The following RAD51B variants were observed in gnomAD, a reference collection of about 807,000 sequenced individuals.
The protein encoded by RAD51B is DNA repair protein RAD51 homolog 2.
RAD51B carries 38 observed loss-of-function variants against 42.2 expected under a neutral mutation model. That is an observed-to-expected ratio of 0.90 (90% confidence interval 0.70 to 1.18). The LOEUF (loss-of-function observed/expected upper bound fraction) is 1.18, where lower values mean the gene tolerates loss of function less well. Ranked by LOEUF, RAD51B falls within the 50% of genes most tolerant of loss-of-function variation. RAD51B has a pLI of 0.00. For missense variants in RAD51B, 373 were observed against 400.7 expected (o/e 0.93, Z 0.59); for synonymous variants, 154 against 145.2 (o/e 1.06, Z -0.43).
At chr14:68,311,987 A>C (rs752031452) in intron 8 of RAD51B, among the ~76,000 whole-genome samples, 1 of 152,222 alleles carries the variant, frequency 6.6e-6, no homozygotes, top group Non-Finnish European at 1.5e-5. Context: ...CAGCATTGTT[A>C]TTTCAATTCA....
chr14:68,091,646 G>A (rs1222406340), intron 7 of RAD51B, among the ~76,000 whole-genome samples: 8 of 152,142 alleles, frequency 5.3e-5, no homozygotes, highest in African/African-American at 1.7e-4. Flanking sequence ...CATTCTGTGG[G>A]TTGCCTGTTC....
At chr14:68,414,069 A>AT (rs2084487971) in intron 9 of RAD51B, among the ~76,000 whole-genome samples, 1 of 152,128 alleles carries the variant, frequency 6.6e-6, no homozygotes, top group Non-Finnish European at 1.5e-5. Context: ...TTAGTTTCAG[A>AT]TCACAGGCCT....
intron 10 of RAD51B, among the ~76,000 whole-genome samples, chr14:68,538,603 A>G (rs777424178): frequency 1.3e-5 from 2 of 151,262 alleles, no homozygotes; most frequent in Non-Finnish European, 2.9e-5. Context: ...CAGAACGCCA[A>G]CATAGTTTGT....
At chr14:68,631,129 T>C (rs1004337355) in intron 10 of RAD51B, among the ~76,000 whole-genome samples, 3 of 152,084 alleles carry the variant, frequency 2.0e-5, no homozygotes, top group African/African-American at 2.4e-5. Flanking sequence ...ATGTGTCCAA[T>C]TGTTAAAAAA....
intron 7 of RAD51B, among the ~76,000 whole-genome samples, chr14:68,095,713 T>C (rs11851597): frequency 0.12 from 17,726 of 151,924 alleles, 3,183 homozygotes; most frequent in African/African-American, 0.38. Context: ...CGGTGGCTCA[T>C]GCCTGTAATC....
chr14:68,296,583 AC>A (rs2081618233), intron 8 of RAD51B, among the ~76,000 whole-genome samples: 1 of 152,218 alleles, frequency 6.6e-6, no homozygotes, highest in Admixed American at 6.5e-5. Context: ...TTCCAAAGTC[AC>A]CTGGGATTTG....
At chr14:68,660,971 G>A (rs191008147) in intron 11 of RAD51B, among the ~76,000 whole-genome samples, 73 of 152,274 alleles carry the variant, frequency 4.8e-4, no homozygotes, top group Admixed American at 2.5e-3. Flanking sequence ...ACCAAATCGC[G>A]TATAGTGTCT....
At chr14:67,860,494 T>C (rs2042129559) in intron 4 of RAD51B, among the ~76,000 whole-genome samples, 1 of 152,196 alleles carries the variant, frequency 6.6e-6, no homozygotes, top group Non-Finnish European at 1.5e-5. Context: ...TATGAAATGG[T>C]AGACTTATAA....
intron 10 of RAD51B, among the ~76,000 whole-genome samples, chr14:68,517,880 C>T (rs1262895549): frequency 1.3e-5 from 2 of 152,134 alleles, no homozygotes; most frequent in Non-Finnish European, 2.9e-5. Flanking sequence ...ATTTCTGAAA[C>T]TATCAGTGTT....
chr14:68,321,754 T>C lies in RAD51B; in HGVS notation c.853+29774T>C, dbSNP rs1217004312. On this transcript the variant is annotated intron_variant, in intron 8 of 10. Transcript: ENST00000471583. ...TAATTTTTAAATTTTTTAAAATTAA[T>C]GTGTTTATTTTTTTGAGACAGGGTC... is the stretch of plus-strand genomic sequence containing the variant. Among the ~76,000 whole-genome samples, 4 of 152,310 alleles carry C rather than the reference T, an allele frequency of 2.6e-5. No individual in the cohort carries two copies. In the East Asian group the frequency reaches 7.7e-4, roughly 29 times the overall value.
chr14:68,529,528 A>G (rs553712037), intron 10 of RAD51B, among the ~76,000 whole-genome samples: 2 of 152,370 alleles, frequency 1.3e-5, no homozygotes, highest in South Asian at 2.1e-4. Context: ...CTGTAGGTCT[A>G]TGGAGGCAGG....
intron 8 of RAD51B, among the ~76,000 whole-genome samples, chr14:68,400,190 C>A (rs935954060): frequency 6.6e-6 from 1 of 152,150 alleles, no homozygotes; most frequent in African/African-American, 2.4e-5. Flanking sequence ...TGGTGTGTCC[C>A]CTTGCTGTTC....
intron 7 of RAD51B, among the ~76,000 whole-genome samples, chr14:68,053,166 A>G (rs766975666): frequency 2.0e-5 from 3 of 152,196 alleles, no homozygotes; most frequent in Non-Finnish European, 4.4e-5. Flanking sequence ...TAGTTCTCCA[A>G]TAGAACAGTT....
chr14:67,829,992 C>T (rs891412432), intron 3 of RAD51B, among the ~76,000 whole-genome samples: 46 of 152,110 alleles, frequency 3.0e-4, no homozygotes, highest in African/African-American at 1.1e-3. Flanking sequence ...GAGAGATAGG[C>T]AAAGGAGCTG....
At chr14:68,485,827 A>G (rs1883581415) in intron 10 of RAD51B, among the ~76,000 whole-genome samples, 1 of 152,198 alleles carries the variant, frequency 6.6e-6, no homozygotes, top group Non-Finnish European at 1.5e-5. Context: ...TTAGTGCCCA[A>G]AGCTCTTTAT....
chr14:68,430,792 A>G (rs1410714287), intron 9 of RAD51B, among the ~76,000 whole-genome samples: 2 of 152,030 alleles, frequency 1.3e-5, no homozygotes, highest in Non-Finnish European at 2.9e-5. Context: ...ACTATGTTGA[A>G]TAGGAGTGGT....
intron 8 of RAD51B, among the ~76,000 whole-genome samples, chr14:68,398,457 T>G (rs2083990651): frequency 6.6e-6 from 1 of 152,098 alleles, no homozygotes; most frequent in South Asian, 2.1e-4. Flanking sequence ...CTTGAAGCAA[T>G]GCAGGTCAAG....
chr14:68,601,214 A>G (rs1454587566), intron 10 of RAD51B, among the ~76,000 whole-genome samples: 2 of 151,994 alleles, frequency 1.3e-5, no homozygotes, highest in Non-Finnish European at 2.9e-5. Context: ...TCTCATAGCC[A>G]CGTCTCACCA....
chr14:68,469,829 G>A lies in RAD51B; in HGVS notation c.1036+1579G>A, dbSNP rs553706808. On this transcript the variant is annotated intron_variant, in intron 10 of 10. Transcript: ENST00000471583. ...AAAAAGTTTGTTCTGCTCAGATGAC[G>A]TGTGTGAAGAGGCTTGATGTGATAC... Among the ~76,000 whole-genome samples, 4 of 152,290 alleles carry A rather than the reference G, an allele frequency of 2.6e-5. No homozygotes were observed. The East Asian group carries it at 5.8e-4, about 22-fold the overall frequency.
Sources: gnomAD v4.1 joint callset for allele counts (sites outside exome capture counted in the v4.1 genomes callset) on GRCh38, gnomAD v4.1.1 for gene constraint, MANE v1.5 for transcripts, NCBI Gene and HGNC (gene_info 2026-07-23, HGNC 2026-07-21) for gene names.